Variants in CADPS observed in about 807,000 individuals in gnomAD.
CADPS encodes the protein calcium-dependent secretion activator 1.
In CADPS, 57 loss-of-function variants were observed where a neutral mutation model predicts 167.3. That is an observed-to-expected ratio of 0.34 (90% confidence interval 0.28 to 0.42). The LOEUF (loss-of-function observed/expected upper bound fraction) is 0.42. CADPS is among the 20% of genes least tolerant of loss of function. The probability of loss-of-function intolerance (pLI) is 1.00; values close to 1 mark genes in which losing one functional copy is unlikely to be tolerated. For missense variants in CADPS, 1,414 were observed against 1,738.1 expected (o/e 0.81, Z 3.32); for synonymous variants, 676 against 635.3 (o/e 1.06, Z -0.96).
chr3:62,821,458 G>A (rs906332771), intron 1 of CADPS, among the ~76,000 whole-genome samples: 8 of 152,186 alleles, frequency 5.3e-5, no homozygotes, highest in African/African-American at 1.9e-4. Flanking sequence ...AGGGAAGAAT[G>A]TTCTTTGCCT....
chr3:62,662,473 C>G lies in CADPS; in HGVS notation c.889-79G>C, dbSNP rs1354782. 2.4e-3 allele frequency: 2,794 copies of G among 1,166,174 alleles called. 52 individuals carry two copies. In the African/African-American group the frequency reaches 0.036, roughly 15 times the overall value. The allele number at this position is 1,166,174 out of a possible 1,614,324, so 72.2% of individuals were successfully genotyped here. ...AACTCAGGACATTCCATTTTATACC[C>G]CCTTGCACTGTGCTCCATGGACATA... On this transcript the variant is annotated intron_variant, in intron 3 of 29. Transcript: ENST00000383710.
intron 21 of CADPS, among the ~76,000 whole-genome samples, chr3:62,485,061 C>A (rs374691083): frequency 6.6e-6 from 1 of 152,126 alleles, no homozygotes; most frequent in East Asian, 1.9e-4. Flanking sequence ...ACTTCCTTCT[C>A]CATGAAAATT....
chr3:62,806,651 G>T (rs1193803320), intron 1 of CADPS, among the ~76,000 whole-genome samples: 2 of 152,148 alleles, frequency 1.3e-5, no homozygotes, highest in East Asian at 3.9e-4. Flanking sequence ...GAGAAATTAG[G>T]TAACGTATTT....
In CADPS at chr3:62,532,856, C is replaced by G. The variant is rs2074001438; in HGVS notation, c.2291+15G>C. ...TTCTTAAGGATCACCTCTAGACACA[C>G]GAACACACACTTACCTGTTCCCATG... is the stretch of plus-strand genomic sequence containing the variant. On this transcript the variant is annotated intron_variant, in intron 13 of 29. Transcript: ENST00000383710. 4 of 1,611,842 alleles carry G rather than the reference C, an allele frequency of 2.5e-6. No individual in the cohort carries two copies. The highest frequency in any genetic ancestry group is 3.4e-6 in the Non-Finnish European group (4 of 1,178,640).
intron 11 of CADPS, among the ~76,000 whole-genome samples, chr3:62,539,335 G>A (rs1174288239): frequency 6.6e-6 from 1 of 152,046 alleles, no homozygotes; most frequent in Non-Finnish European, 1.5e-5. Context: ...GGAGCTTAAT[G>A]CAGTGGGAAT....
intron 3 of CADPS, among the ~76,000 whole-genome samples, chr3:62,694,518 C>T (rs2079900753): frequency 6.6e-6 from 1 of 152,018 alleles, no homozygotes; most frequent in South Asian, 2.1e-4. Flanking sequence ...AGATCAATTA[C>T]ATTAGACCCC....
At chr3:62,864,505 G>A (rs137875420) in intron 1 of CADPS, among the ~76,000 whole-genome samples, 2 of 152,146 alleles carry the variant, frequency 1.3e-5, no homozygotes, top group Admixed American at 6.5e-5. Context: ...GTAAGAATCT[G>A]TTCCATGCCT....
At chr3:62,530,816 T>G (rs1177527212) in intron 13 of CADPS, 4 of 1,265,822 alleles carry the variant, frequency 3.2e-6, no homozygotes, top group Non-Finnish European at 4.1e-6. Flanking sequence ...TTGTTGACTT[T>G]GGAGAGGGGG....
At chr3:62,557,613 C>T in intron 9 of CADPS, 100 bp from the exon 10 acceptor site, 1 of 930,442 alleles carries the variant, frequency 1.1e-6, no homozygotes, top group Non-Finnish European at 1.8e-6. Context: ...GACTGAGTGG[C>T]TGGGTTCAAA....
rs962375581 is a variant in CADPS at position 62,689,230 on chromosome 3, GA to G, written c.889-26837del. Among the ~76,000 whole-genome samples the G allele has an allele frequency of 2.6e-3, 383 of 148,940 alleles. 1 individual carries two copies. Among genetic ancestry groups the G allele is most frequent in the South Asian group, 6.1e-3 (29 of 4,722 alleles). The stretch of plus-strand genomic sequence containing the variant: ...AATTTTTCCATGCTGTACCTGAGCT[GA>G]AAAAAAAAATGCATTCCTCCATTCC... On this transcript the variant is annotated intron_variant, in intron 3 of 29. Transcript: ENST00000383710.
chr3:62,523,009 A>G (rs1014825598), intron 13 of CADPS, among the ~76,000 whole-genome samples: 10 of 152,016 alleles, frequency 6.6e-5, no homozygotes, highest in African/African-American at 2.4e-4. Context: ...TCGGCAAACC[A>G]TTTTCTCACT....
chr3:62,443,867 A>T lies in CADPS; in HGVS notation c.3669+1898T>A, dbSNP rs371929374. Among the ~76,000 whole-genome samples, 34 of 152,318 alleles carry T rather than the reference A, an allele frequency of 2.2e-4. No homozygotes were observed. In the East Asian group the frequency reaches 3.7e-3, roughly 16 times the overall value. On this transcript the variant is annotated intron_variant, in intron 27 of 29. Coordinates refer to ENST00000383710, the MANE Select transcript of CADPS (RefSeq NM_003716.4). Reference sequence around the variant, plus strand: ...TCTTCTAATTTAGCATAATTAATCCATAAACACTTAATGAGTACAGATCAG... The same window carrying T: ...TCTTCTAATTTAGCATAATTAATCCTTAAACACTTAATGAGTACAGATCAG...
chr3:62,662,208 CCT>C, intron 4 of CADPS, 104 bp downstream of exon 4: 1 of 985,490 alleles, frequency 1.0e-6, no homozygotes, highest in Non-Finnish European at 1.6e-6. Flanking sequence ...CATCTTCCCT[CCT>C]CTCTGCTTCT....
chr3:62,563,578 G>T (rs1236302959), intron 9 of CADPS, among the ~76,000 whole-genome samples: 2 of 152,180 alleles, frequency 1.3e-5, no homozygotes, highest in East Asian at 3.8e-4. Flanking sequence ...GGGAACAGGT[G>T]ATATTCAGTT....
rs1159631570 is a variant in CADPS, at chr3:62,773,067, A to G, written c.442-7083T>C. 3.6e-5 allele frequency among the ~76,000 whole-genome samples: 4 copies of G among 109,956 alleles called. No individual in the cohort carries two copies. In the East Asian group the frequency reaches 1.4e-3, roughly 38 times the overall value. 72.1% of individuals were successfully genotyped at this position (109,956 alleles called of 152,430 possible). The stretch of plus-strand genomic sequence containing the variant: ...TTATAGATAACTGGAAAAAAAGTCA[A>G]CTCAACAAGTGTTTAAAAATCATCA... On this transcript the variant is annotated intron_variant, in intron 1 of 29. Coordinates refer to ENST00000383710, the MANE Select transcript of CADPS (RefSeq NM_003716.4).
chr3:62,753,809 A>T lies in CADPS; in HGVS notation c.556-36T>A. 1 of 1,567,244 alleles carries T rather than the reference A, an allele frequency of 6.4e-7. No individual in the cohort carries two copies. Among genetic ancestry groups the T allele is most frequent in the Non-Finnish European group, 8.7e-7 (1 of 1,152,314 alleles). On this transcript the variant is annotated intron_variant, in intron 2 of 29. Coordinates refer to ENST00000383710, the MANE Select transcript of CADPS (RefSeq NM_003716.4). This position sits in a 1 kb window ranked among gnomAD's most constrained non-coding sequence, Gnocchi z 4.6. ...ACAAGGCCAGGAAAGACAGTAGGAG[A>T]GTTTACCACAGAGGTACCAGTTCCC...
intron 3 of CADPS, among the ~76,000 whole-genome samples, chr3:62,718,362 T>C (rs1390717039): frequency 6.6e-6 from 1 of 152,230 alleles, no homozygotes; most frequent in Non-Finnish European, 1.5e-5. Flanking sequence ...CCAGGAACTT[T>C]CTTCTGAAGC....
At chr3:62,718,260 T>C (rs1045324389) in intron 3 of CADPS, among the ~76,000 whole-genome samples, 2 of 152,184 alleles carry the variant, frequency 1.3e-5, no homozygotes, top group Admixed American at 1.3e-4. Flanking sequence ...TTGTAGGTGC[T>C]CAGTACATGA....
chr3:62,491,347 T>A lies in CADPS; in HGVS notation c.3018A>T (p.Glu1006Asp). The A allele has an allele frequency of 6.2e-7, 1 of 1,613,850 alleles. No individual in the cohort carries two copies. The highest frequency in any genetic ancestry group is 8.5e-7 in the Non-Finnish European group (1 of 1,179,902). Residue 1006 changes from glutamate to aspartate, a missense_variant, in exon 21 of 30, where the codon GAA becomes GAT. By Grantham distance (45) the Glu-to-Asp change is conservative. Transcript: ENST00000383710. ...AAAAAAGGTTTCCTTACTTGACTGG[T>A]TCCCATGACTCCCGCTCAAAGCCCC... ...IHRGFERESW[E>D]PVKSLTSNLP... is the part of the protein sequence containing the mutation.
Sources: gnomAD v4.1 joint callset for allele counts (sites outside exome capture counted in the v4.1 genomes callset) on GRCh38, gnomAD v4.1.1 for gene constraint, Gnocchi (gnomAD v3.1) non-coding constraint, MANE v1.5 for transcripts, NCBI Gene and HGNC (gene_info 2026-07-23, HGNC 2026-07-21) for gene names.